The following ACSM3 variants were observed in gnomAD, a reference collection of about 807,000 sequenced individuals.
The protein encoded by ACSM3 is acyl-CoA synthetase medium chain family member 3.
ACSM3 carries 61 observed loss-of-function variants against 74.1 expected under a neutral mutation model. The ratio of observed to expected loss-of-function variants is 0.82; its 90% CI spans 0.67 to 1.02. ACSM3 has a LOEUF of 1.02. Ranked by LOEUF, ACSM3 falls within the 50% of genes least tolerant of loss-of-function variation. ACSM3 has a pLI of 0.00. For synonymous variants in ACSM3, 213 were observed against 241.5 expected (o/e 0.88, Z 1.09); for missense variants, 660 against 697.0 (o/e 0.95, Z 0.60).
At chr16:20,771,086 A>G (rs912952994) in intron 2 of ACSM3, among the ~76,000 whole-genome samples, 10 of 151,988 alleles carry the variant, frequency 6.6e-5, no homozygotes, top group Admixed American at 6.5e-4. Flanking sequence ...TCCACTCCCT[A>G]CTTCTATGAG....
chr16:20,788,701 C>T (rs1349065919), intron 9 of ACSM3, among the ~76,000 whole-genome samples: 1 of 152,124 alleles, frequency 6.6e-6, no homozygotes, highest in East Asian at 1.9e-4. Flanking sequence ...TTTTAAGACC[C>T]TATGAACAAT....
rs1372992097 is a variant in ACSM3 at position 20,707,171 on chromosome 16, G to C, written c.-190+32349G>C. ...CATGTGAGTCCCCAGGGTCATACTT[G>C]CCAACCTCAGTCCCCATAGCAGATC... On this transcript the variant is annotated intron_variant, in intron 1 of 3. Transcript: ENST00000561584. Among the ~76,000 whole-genome samples the C allele has an allele frequency of 2.6e-5, 4 of 152,098 alleles. No individual in the cohort carries two copies. In the East Asian group the frequency reaches 7.7e-4, roughly 29 times the overall value.
intron 1 of ACSM3, among the ~76,000 whole-genome samples, chr16:20,747,341 G>GATA (rs1567335687): frequency 2.0e-5 from 3 of 152,134 alleles, no homozygotes; most frequent in African/African-American, 7.2e-5. Flanking sequence ...GCATGGCAAG[G>GATA]TCACAAGATA....
rs2080333939 is a variant in ACSM3 at position 20,780,746 on chromosome 16, C to T, written c.671C>T (p.Thr224Ile). ...AGTGACAGCCACACCTGTGTGAAGA[C>T]AAAACACAATGAGATCATGGCCATA... ...HASDSHTCVK[T>I]KHNEIMAIFF... Residue 224 changes from threonine (T) to isoleucine (I), a missense_variant, in exon 5 of 14, where the codon ACA becomes ATA. Coordinates refer to ENST00000289416, the MANE Select transcript of ACSM3 (RefSeq NM_005622.4). 4.3e-6 allele frequency: 7 copies of T among 1,614,118 alleles called. No individual in the cohort carries two copies. In the East Asian group the frequency reaches 1.1e-4, roughly 26 times the overall value.
intron 1 of ACSM3, among the ~76,000 whole-genome samples, chr16:20,717,956 G>GGAAGAGGAAGAGGAAGAAGAAGAA (rs1190590436): frequency 3.4e-4 from 25 of 74,412 alleles, no homozygotes; most frequent in Non-Finnish European, 6.2e-4. Flanking sequence ...AAGAGGAAGA[G>GGAAGAGGAAGAGGAAGAAGAAGAA]GAAGAAGAAG....
intron 1 of ACSM3, among the ~76,000 whole-genome samples, chr16:20,677,001 C>T (rs760164169): frequency 6.6e-6 from 1 of 151,998 alleles, no homozygotes; most frequent in Non-Finnish European, 1.5e-5. Flanking sequence ...AGTATTTAAG[C>T]CTTTATATAA....
intron 1 of ACSM3, among the ~76,000 whole-genome samples, chr16:20,726,124 A>T (rs1164630732): frequency 2.0e-5 from 3 of 152,126 alleles, no homozygotes; most frequent in East Asian, 3.9e-4. Flanking sequence ...CCCCTCAAAA[A>T]ATTTATCCTC....
intron 1 of ACSM3, chr16:20,743,524 C>G (rs1396653677): frequency 6.6e-6 from 1 of 152,152 alleles, no homozygotes; most frequent in Non-Finnish European, 1.5e-5. Flanking sequence ...AGGTACAAAC[C>G]TCTTAGCAGA....
At chr16:20,744,279 G>A (rs1248302838) in intron 1 of ACSM3, among the ~76,000 whole-genome samples, 1 of 152,186 alleles carries the variant, frequency 6.6e-6, no homozygotes, top group Non-Finnish European at 1.5e-5. Flanking sequence ...AACCTAATTG[G>A]ATGTGTAAAC....
chr16:20,782,348 A>G (rs540104731), intron 7 of ACSM3, among the ~76,000 whole-genome samples: 2 of 152,242 alleles, frequency 1.3e-5, no homozygotes, highest in East Asian at 3.9e-4. Flanking sequence ...CCATCACCCA[A>G]GCAGTATACA....
In ACSM3 at chr16:20,790,659, C is replaced by A; in HGVS notation, c.1297C>A (p.Arg433=). ...TATTGGCATTCAAGTTCTACCCAACCGACCATTTGGCCTTTTTACTCATTA... is the reference window on the plus strand; with the variant it reads ...TATTGGCATTCAAGTTCTACCCAACAGACCATTTGGCCTTTTTACTCATTA... ...GDIGIQVLPN[R]PFGLFTHYVD... The change falls in exon 10 of 14, where the codon CGA becomes AGA. Residue 433 remains arginine (R), a synonymous_variant. Transcript: ENST00000289416. The surrounding 1 kb of genome is among the most constrained non-coding windows in gnomAD (Gnocchi z 4.0). 1 of 1,614,108 alleles carries A rather than the reference C, an allele frequency of 6.2e-7. No individual in the cohort carries two copies. Among genetic ancestry groups the A allele is most frequent in the Non-Finnish European group, 8.5e-7 (1 of 1,179,978 alleles).
chr16:20,762,346 T>A, upstream of ACSM3, among the ~76,000 whole-genome samples: 1 of 147,794 alleles, frequency 6.8e-6, no homozygotes, highest in South Asian at 2.1e-4. Context: ...AAGAAAAAAA[T>A]CAAAGAACTG....
rs2152494054 is a variant in ACSM3 at position 20,796,944 on chromosome 16, T to C, written c.1733T>C (p.Leu578Pro). 1.9e-6 allele frequency: 3 copies of C among 1,612,892 alleles called. No homozygotes were observed. The highest frequency in any genetic ancestry group is 1.7e-5 in the Admixed American group (1 of 59,868). ...AGTGGGAAGACAAAAAGAAATGAAC[T>C]GAGGAAGAAAGAATGGAAGACAATT... ...TISGKTKRNE[L>P]RKKEWKTI Residue 578 changes from leucine to proline, a missense_variant, in exon 14 of 14, where the codon CTG (leucine) becomes CCG (proline). Physicochemically the swap from Leu to Pro is moderately conservative, Grantham distance 98. Coordinates refer to ENST00000289416, the MANE Select transcript of ACSM3 (RefSeq NM_005622.4).
intron 2 of ACSM3, among the ~76,000 whole-genome samples, chr16:20,755,249 T>C (rs530247521): frequency 6.6e-6 from 1 of 152,310 alleles, no homozygotes; most frequent in South Asian, 2.1e-4. Context: ...CAAGAATGTC[T>C]GTGTTTGAAT....
intron 12 of ACSM3, among the ~76,000 whole-genome samples, chr16:20,795,398 A>G (rs1188708738): frequency 2.6e-5 from 4 of 152,242 alleles, no homozygotes; most frequent in African/African-American, 9.6e-5. Flanking sequence ...AGTTTTCAAT[A>G]TGTGAAAAAA....
intron 9 of ACSM3, among the ~76,000 whole-genome samples, chr16:20,787,483 C>T (rs1013299205): frequency 6.6e-6 from 1 of 152,210 alleles, no homozygotes; most frequent in African/African-American, 2.4e-5. Context: ...ATATGGATAT[C>T]TGTTAAAAAT....
intron 1 of ACSM3, chr16:20,729,176 T>C (rs943881933): frequency 5.9e-6 from 4 of 674,606 alleles, no homozygotes; most frequent in Admixed American, 2.2e-5. Context: ...ATGAGTGTTA[T>C]ACCCATTTCT....
intron 1 of ACSM3, among the ~76,000 whole-genome samples, chr16:20,729,857 A>G (rs1449012210): frequency 6.6e-6 from 1 of 151,656 alleles, no homozygotes; most frequent in African/African-American, 2.4e-5. Context: ...GGGTTCATGT[A>G]AGGTTGGCAA....
At chr16:20,737,896 G>C (rs747573450) in intron 1 of ACSM3, 3 of 1,613,520 alleles carry the variant, frequency 1.9e-6, no homozygotes, top group Non-Finnish European at 2.5e-6. Flanking sequence ...AATAACTCGA[G>C]TCTTCTTTTT....
Sources: allele counts gnomAD v4.1 joint callset (sites outside exome capture counted in the v4.1 genomes callset), GRCh38; gene constraint gnomAD v4.1.1; non-coding constraint Gnocchi (gnomAD v3.1); transcripts MANE v1.5; gene names NCBI Gene and HGNC (gene_info 2026-07-23, HGNC 2026-07-21).